The following SIPA1L3 variants were observed in gnomAD, a reference collection of about 807,000 sequenced individuals.
SIPA1L3 encodes the protein signal induced proliferation associated 1 like 3.
SIPA1L3 carries 59 observed loss-of-function variants against 150.1 expected under a neutral mutation model. The observed-to-expected ratio is 0.39, with a 90% CI of 0.32 to 0.49. The LOEUF (loss-of-function observed/expected upper bound fraction) is 0.49, where lower values mean the gene tolerates loss of function less well. Among genes scored for constraint, SIPA1L3 ranks in the 20% least tolerant of loss-of-function variants. The pLI, the probability that SIPA1L3 is intolerant of heterozygous loss-of-function variation, is 0.86. For synonymous variants in SIPA1L3, 1,070 were observed against 1,077.6 expected (o/e 0.99, Z 0.14); for missense variants, 2,211 against 2,489.5 (o/e 0.89, Z 2.38).
In SIPA1L3 at chr19:38,149,604, C is replaced by A. The variant is rs111443623; in HGVS notation, c.3534-3236C>A. Among the ~76,000 whole-genome samples, 264 of 152,302 alleles carry A rather than the reference C, an allele frequency of 1.7e-3. 3 individuals carry two copies. The highest frequency in any genetic ancestry group is 6.1e-3 in the African/African-American group (255 of 41,572). On this transcript the variant is annotated intron_variant, in intron 12 of 21. Coordinates refer to ENST00000222345, the MANE Select transcript of SIPA1L3 (RefSeq NM_015073.3). Reference sequence around the variant, plus strand: ...CACATTGACGGGAAACCAGGCCCCCCCTCCTTGATGTATTGCTGTCCTTGG... The same window carrying A: ...CACATTGACGGGAAACCAGGCCCCCACTCCTTGATGTATTGCTGTCCTTGG...
At chr19:38,179,869 G>T (rs1005722141) in intron 15 of SIPA1L3, among the ~76,000 whole-genome samples, 1 of 151,506 alleles carries the variant, frequency 6.6e-6, no homozygotes, top group Admixed American at 6.6e-5. Context: ...TTTAGATGGA[G>T]TCTCACTCTG....
At chr19:38,036,820 C>T (rs929356022) in intron 2 of SIPA1L3, among the ~76,000 whole-genome samples, 1 of 152,124 alleles carries the variant, frequency 6.6e-6, no homozygotes, top group African/African-American at 2.4e-5. Context: ...GGAGCTCCCC[C>T]CACTCGCCCC....
At chr19:38,120,970 T>TGCAGCAAGTCCCAGCACTGCC (rs1333718155) in intron 9 of SIPA1L3, among the ~76,000 whole-genome samples, 10 of 152,228 alleles carry the variant, frequency 6.6e-5, no homozygotes, top group Non-Finnish European at 1.3e-4. Flanking sequence ...CACTGCCACT[T>TGCAGCAAGTCCCAGCACTGCC]ACCAGCTGCA....
chr19:38,024,325 G>A (rs1477192753), intron 1 of SIPA1L3, among the ~76,000 whole-genome samples: 1 of 152,198 alleles, frequency 6.6e-6, no homozygotes, highest in Non-Finnish European at 1.5e-5. Context: ...CTGGTTTTCA[G>A]TATGTTGATT....
intron 10 of SIPA1L3, among the ~76,000 whole-genome samples, chr19:38,135,622 C>G (rs1339689842): frequency 2.6e-5 from 4 of 152,214 alleles, no homozygotes; most frequent in Non-Finnish European, 5.9e-5. Flanking sequence ...TTTGGGGAGA[C>G]AGGGCCAGGG....
At chr19:37,997,134 A>C (rs541152501) in intron 1 of SIPA1L3, among the ~76,000 whole-genome samples, 1 of 152,280 alleles carries the variant, frequency 6.6e-6, no homozygotes, top group South Asian at 2.1e-4. Context: ...CCACAAGTAC[A>C]TGTGCAACTT....
chr19:38,151,409 G>A (rs1260212709), intron 12 of SIPA1L3, among the ~76,000 whole-genome samples: 2 of 152,198 alleles, frequency 1.3e-5, no homozygotes, highest in East Asian at 1.9e-4. Flanking sequence ...AGCTATGAGC[G>A]CTGGTCACAT....
intron 1 of SIPA1L3, among the ~76,000 whole-genome samples, chr19:37,940,521 A>G (rs2046644699): frequency 6.6e-6 from 1 of 152,134 alleles, no homozygotes; most frequent in Admixed American, 6.6e-5. Flanking sequence ...CAGTGTTAAC[A>G]TCTCAGATCA....
intron 4 of SIPA1L3, among the ~76,000 whole-genome samples, chr19:38,091,165 C>T (rs1278843477): frequency 1.3e-5 from 2 of 152,152 alleles, no homozygotes; most frequent in African/African-American, 4.8e-5. Context: ...GCAGGTGGGT[C>T]CCTTGAGCCC....
At chr19:38,130,826 G>T in intron 10 of SIPA1L3, 54 bp downstream of exon 10, 1 of 1,549,306 alleles carries the variant, frequency 6.5e-7, no homozygotes, top group Non-Finnish European at 8.8e-7. Context: ...CAGATCGCTG[G>T]CATGAGGCCT....
At chr19:38,169,725 C>T (rs1260892633) in intron 15 of SIPA1L3, among the ~76,000 whole-genome samples, 2 of 152,246 alleles carry the variant, frequency 1.3e-5, no homozygotes, top group African/African-American at 2.4e-5. Flanking sequence ...AGACCTGTTA[C>T]AGGCAGTGCT....
chr19:38,123,264 GTT>G (rs61656606), intron 9 of SIPA1L3, among the ~76,000 whole-genome samples: 2,585 of 129,258 alleles, frequency 0.02, 34 homozygotes, highest in African/African-American at 0.028. Context: ...TTTTTTTTTT[GTT>G]TTTTTTGTTT....
chr19:38,121,299 A>T (rs1313344685), intron 9 of SIPA1L3, among the ~76,000 whole-genome samples: 2 of 151,942 alleles, frequency 1.3e-5, no homozygotes, highest in African/African-American at 4.8e-5. Context: ...TTAGCCAGGC[A>T]TGGTGGTGGG....
intron 1 of SIPA1L3, among the ~76,000 whole-genome samples, chr19:37,914,201 A>G (rs1392009219): frequency 6.6e-6 from 1 of 152,056 alleles, no homozygotes; most frequent in African/African-American, 2.4e-5. Context: ...AGTCATGTGA[A>G]CTGATACCTT....
Position 38,164,546 on chromosome 19 carries a change from G to A in SIPA1L3, c.3848G>A (p.Ser1283Asn), listed in dbSNP as rs773389654. The change falls in exon 15 of 22, where the codon AGC (serine) becomes AAC (asparagine). Residue 1283 changes from serine to asparagine, a missense_variant. Around this residue, in one of 5 missense-constraint regions of SIPA1L3, gnomAD observed 806 missense variants for 870.1 expected, o/e 0.93. Coordinates refer to ENST00000222345, the MANE Select transcript of SIPA1L3 (RefSeq NM_015073.3). The surrounding 1 kb of genome is among the most constrained non-coding windows in gnomAD (Gnocchi z 4.1). ...TCCAGCAACGCATCCAGCAGCCACA[G>A]CGACGACCGCTGGTTCGACCCCCTG... ...TLSSNASSSH[S>N]DDRWFDPLDP... 6.2e-7 allele frequency: 1 copy of A among 1,614,110 alleles called. No homozygotes were observed. The highest frequency in any genetic ancestry group is 8.5e-7 in the Non-Finnish European group (1 of 1,179,984).
At chr19:37,963,151 C>T (rs1213128357) in intron 1 of SIPA1L3, among the ~76,000 whole-genome samples, 2 of 149,414 alleles carry the variant, frequency 1.3e-5, no homozygotes, top group African/African-American at 2.5e-5. Context: ...CAGTTTCTTC[C>T]TTTTTTTTTT....
intron 10 of SIPA1L3, among the ~76,000 whole-genome samples, chr19:38,132,858 G>T (rs1320630989): frequency 6.6e-6 from 1 of 152,028 alleles, no homozygotes; most frequent in Non-Finnish European, 1.5e-5. Context: ...ATGTTGGCCA[G>T]GCTGGTCTTG....
At chr19:38,021,470 C>T (rs1423770671) in intron 1 of SIPA1L3, among the ~76,000 whole-genome samples, 1 of 151,938 alleles carries the variant, frequency 6.6e-6, no homozygotes, top group Non-Finnish European at 1.5e-5. Flanking sequence ...GCTATCACAT[C>T]TGCATATCTG....
intron 10 of SIPA1L3, among the ~76,000 whole-genome samples, chr19:38,139,214 A>G (rs1421436121): frequency 6.6e-6 from 1 of 152,086 alleles, no homozygotes; most frequent in African/African-American, 2.4e-5. Context: ...CAAACAACTG[A>G]TGCTCGTTAT....
Sources: allele counts gnomAD v4.1 joint callset (sites outside exome capture counted in the v4.1 genomes callset), GRCh38; gene constraint gnomAD v4.1.1; regional missense constraint gnomAD v4.1.1; non-coding constraint Gnocchi (gnomAD v3.1); transcripts MANE v1.5; gene names NCBI Gene and HGNC (gene_info 2026-07-23, HGNC 2026-07-21).